PSMA5: variants seen among roughly 807,000 people sequenced by gnomAD.
The protein encoded by PSMA5 is proteasome subunit alpha type-5.
In PSMA5, 3 loss-of-function variants were observed where a neutral mutation model predicts 34.5. The observed-to-expected ratio is 0.09, with a 90% CI of 0.04 to 0.22. PSMA5 has a LOEUF of 0.22. PSMA5 is among the 10% of genes least tolerant of loss of function. PSMA5 has a pLI of 1.00. For missense variants in PSMA5, 120 were observed against 286.1 expected (o/e 0.42, Z 4.19); for synonymous variants, 88 against 95.8 (o/e 0.92, Z 0.47).
At chr1:109,403,552 C>T (rs944320725) in intron 8 of PSMA5, among the ~76,000 whole-genome samples, 1 of 151,968 alleles carries the variant, frequency 6.6e-6, no homozygotes, top group Non-Finnish European at 1.5e-5. Context: ...ATTGCTTAAC[C>T]CTGGGAGGTT....
intron 4 of PSMA5, chr1:109,412,396 C>T (rs897569226): frequency 6.3e-6 from 3 of 477,164 alleles, no homozygotes; most frequent in South Asian, 6.1e-5. Context: ...TACGCAACGA[C>T]GGACAAGAGA....
At chr1:109,416,935 T>C (rs549605812) in intron 2 of PSMA5, among the ~76,000 whole-genome samples, 1 of 152,260 alleles carries the variant, frequency 6.6e-6, no homozygotes, top group African/African-American at 2.4e-5. Context: ...TGAAACCCTG[T>C]TTCTATAAAA....
At chr1:109,409,905 T>TC in intron 8 of PSMA5, 23 bp downstream of exon 8, 1 of 1,544,004 alleles carries the variant, frequency 6.5e-7, no homozygotes, top group Non-Finnish European at 8.8e-7. Context: ...CCGAAAAAAA[T>TC]CCAACAATAA....
At chr1:109,420,314 T>C (rs2100972651) in intron 2 of PSMA5, among the ~76,000 whole-genome samples, 1 of 151,964 alleles carries the variant, frequency 6.6e-6, no homozygotes, top group South Asian at 2.1e-4. Context: ...GGAGTAGGGG[T>C]GTGGGGTTAG....
intron 8 of PSMA5, among the ~76,000 whole-genome samples, chr1:109,409,449 G>A (rs974824816): frequency 1.3e-5 from 2 of 152,192 alleles, no homozygotes; most frequent in African/African-American, 4.8e-5. Context: ...GAGCCACCTC[G>A]CCAGGCCTCA....
chr1:109,411,816 C>T (rs1176319016), intron 6 of PSMA5, 61 bp downstream of exon 6: 21 of 1,493,234 alleles, frequency 1.4e-5, no homozygotes, highest in Non-Finnish European at 2.0e-5. Context: ...TCTCAGTCTC[C>T]ACCCCAAATT....
At chr1:109,412,908 C>G in intron 4 of PSMA5, 160 bp downstream of exon 4, 1 of 607,028 alleles carries the variant, frequency 1.6e-6, no homozygotes, top group South Asian at 2.2e-5. Flanking sequence ...AGCTAAACTC[C>G]AAGCCCCAGG....
intron 2 of PSMA5, among the ~76,000 whole-genome samples, chr1:109,419,129 G>A (rs1654335569): frequency 6.6e-6 from 1 of 151,996 alleles, no homozygotes; most frequent in South Asian, 2.1e-4. Flanking sequence ...CTCCAGCCTG[G>A]GCAACAAGAG....
intron 2 of PSMA5, among the ~76,000 whole-genome samples, chr1:109,418,608 C>T (rs1012245451): frequency 1.3e-5 from 2 of 152,056 alleles, no homozygotes; most frequent in South Asian, 2.1e-4. Flanking sequence ...TGAGCCTTGC[C>T]CAGCCTAATT....
At chr1:109,413,466 A>G (rs962723887) in intron 3 of PSMA5, among the ~76,000 whole-genome samples, 1 of 152,236 alleles carries the variant, frequency 6.6e-6, no homozygotes, top group Non-Finnish European at 1.5e-5. Context: ...TTTCAAACGA[A>G]GCAAATACTA....
At chr1:109,415,930 C>T (rs1310177957) in intron 2 of PSMA5, among the ~76,000 whole-genome samples, 1 of 152,132 alleles carries the variant, frequency 6.6e-6, no homozygotes, top group Non-Finnish European at 1.5e-5. Context: ...ATCATCACCA[C>T]CAACAACGTA....
chr1:109,412,239 C>T lies in PSMA5; in HGVS notation c.292-55G>A. 3 of 1,394,274 alleles carry T rather than the reference C, an allele frequency of 2.2e-6. No individual in the cohort carries two copies. In the Admixed American group the frequency reaches 5.0e-5, roughly 23 times the overall value. 86.4% of individuals were successfully genotyped at this position (1,394,274 alleles called of 1,614,324 possible). On this transcript the variant is annotated intron_variant, in intron 4 of 8. Coordinates refer to ENST00000271308, the MANE Select transcript of PSMA5 (RefSeq NM_002790.4). ...TTCTAATAAGGACATTAAAGCAGCC[C>T]ACCATCTCACTACGCACATCCCTTT... is the stretch of plus-strand genomic sequence containing the variant.
At chr1:109,415,436 T>C (rs1654149944) in intron 2 of PSMA5, 73 bp from the exon 3 acceptor site, 1 of 1,459,728 alleles carries the variant, frequency 6.9e-7, no homozygotes, top group Non-Finnish European at 9.2e-7. Flanking sequence ...GATAGCTCTC[T>C]GTAAATCTTC....
At chr1:109,417,082 AC>A (rs1654238081) in intron 2 of PSMA5, among the ~76,000 whole-genome samples, 1 of 152,192 alleles carries the variant, frequency 6.6e-6, no homozygotes, top group African/African-American at 2.4e-5. Flanking sequence ...TCCAGCCTGG[AC>A]AACAGAGTGA....
intron 8 of PSMA5, among the ~76,000 whole-genome samples, chr1:109,404,131 C>T (rs1177806147): frequency 1.3e-5 from 2 of 152,032 alleles, no homozygotes; most frequent in Non-Finnish European, 2.9e-5. Context: ...CGAGACCAGC[C>T]TGGTGAACAT....
intron 8 of PSMA5, among the ~76,000 whole-genome samples, chr1:109,404,224 A>AT (rs1173925006): frequency 6.6e-6 from 1 of 152,134 alleles, no homozygotes; most frequent in Non-Finnish European, 1.5e-5. Context: ...AGGCACAAGA[A>AT]TTGCTCGAAC....
At chr1:109,412,947 T>C (rs17586966) in intron 4 of PSMA5, 121 bp downstream of exon 4, 42,004 of 789,858 alleles carry the variant, frequency 0.053, 1,356 homozygotes, top group Non-Finnish European at 0.062. Flanking sequence ...CTACCCAAAA[T>C]TACTCCCAAG....
At chr1:109,422,010 C>G in intron 1 of PSMA5, 84 bp from the exon 2 acceptor site, 1 of 750,532 alleles carries the variant, frequency 1.3e-6, no homozygotes, top group Non-Finnish European at 2.0e-6. Flanking sequence ...ACAACTAGCT[C>G]AGATAGCTAC....
At chr1:109,413,496 A>G (rs1654077989) in intron 3 of PSMA5, among the ~76,000 whole-genome samples, 1 of 152,224 alleles carries the variant, frequency 6.6e-6, no homozygotes, top group African/African-American at 2.4e-5. Context: ...CCTGGGAAAC[A>G]AGGAAAAGAA....
Sources: gnomAD v4.1 joint callset for allele counts (sites outside exome capture counted in the v4.1 genomes callset) on GRCh38, gnomAD v4.1.1 for gene constraint, MANE v1.5 for transcripts, NCBI Gene and HGNC (gene_info 2026-07-23, HGNC 2026-07-21) for gene names.